TUSC3: variants seen among roughly 807,000 people sequenced by gnomAD.
TUSC3 encodes the protein dolichyl-diphosphooligosaccharide--protein glycosyltransferase subunit TUSC3.
TUSC3 carries 45 observed loss-of-function variants against 44.8 expected under a neutral mutation model. The ratio of observed to expected loss-of-function variants is 1.00; its 90% CI spans 0.79 to 1.29. The LOEUF (loss-of-function observed/expected upper bound fraction) is 1.29. Ranked by LOEUF, TUSC3 falls within the 50% of genes most tolerant of loss-of-function variation. The pLI, the probability that TUSC3 is intolerant of heterozygous loss-of-function variation, is 0.00. For synonymous variants in TUSC3, 212 were observed against 152.9 expected, an observed-to-expected ratio of 1.39 and a Z score of -2.85; for missense variants, 519 against 437.9, an observed-to-expected ratio of 1.19 and a Z score of -1.65.
At chr8:15,480,610 T>A (rs73665414) in intron 1 of TUSC3, among the ~76,000 whole-genome samples, 2,103 of 152,258 alleles carry the variant, frequency 0.014, 56 homozygotes, top group African/African-American at 0.047. Flanking sequence ...ACATGTGAAA[T>A]AAAATTTCTA....
intron 7 of TUSC3, 36 bp from the exon 8 acceptor site, chr8:15,743,502 C>A: frequency 1.2e-6 from 2 of 1,600,902 alleles, no homozygotes; most frequent in Non-Finnish European, 1.7e-6. Flanking sequence ...ATTTTATTCA[C>A]ATCTATGTCT....
At chr8:15,757,749 T>A in intron 9 of TUSC3, 42 bp from the exon 10 acceptor site, 1 of 1,473,564 alleles carries the variant, frequency 6.8e-7, no homozygotes, top group Non-Finnish European at 9.5e-7. Context: ...TTAAGGATTA[T>A]TTTTTCCATA....
Position 15,540,322 on chromosome 8 carries a change from C to A in TUSC3, c.-109C>A. On this transcript the variant is annotated 5_prime_UTR_variant, in exon 1 of 11. Transcript: ENST00000503731. The stretch of plus-strand genomic sequence containing the variant: ...GTCCCTCGCAAAGCCGCTGCCATCC[C>A]GGAGGGCCCAGCCAGCGGGCTCCCG... The A allele has an allele frequency of 7.4e-7, 1 of 1,354,840 alleles. No homozygotes were observed. 83.9% of individuals were successfully genotyped at this position (1,354,840 alleles called of 1,614,324 possible). A position where few individuals can be genotyped will look rare whatever the true frequency, so the allele number is the denominator to read the frequency against.
chr8:15,429,256 G>C (rs780998616), intron 1 of TUSC3, among the ~76,000 whole-genome samples: 30 of 152,054 alleles, frequency 2.0e-4, no homozygotes, highest in Non-Finnish European at 3.7e-4. Context: ...TTTTTGTCAG[G>C]TGTGTCAAAG....
intron 1 of TUSC3, among the ~76,000 whole-genome samples, chr8:15,579,232 G>C (rs1449060244): frequency 7.0e-6 from 1 of 142,218 alleles, no homozygotes; most frequent in Non-Finnish European, 1.6e-5. Flanking sequence ...TCTTGCTAGT[G>C]GTCTATCAAT....
the TUSC3 span, among the ~76,000 whole-genome samples, chr8:15,792,735 C>T: frequency 9.2e-5 from 14 of 152,058 alleles, no homozygotes; most frequent in Non-Finnish European, 1.8e-4. Context: ...GGTGCCTCAG[C>T]TCCTCGAGTA....
At chr8:15,490,454 C>T (rs1355026397) in intron 2 of TUSC3, among the ~76,000 whole-genome samples, 1 of 152,068 alleles carries the variant, frequency 6.6e-6, no homozygotes, top group Non-Finnish European at 1.5e-5. Flanking sequence ...CTGCAATTTT[C>T]CAGCAGCCCC....
chr8:15,661,551 C>G (rs1807427445), intron 4 of TUSC3, among the ~76,000 whole-genome samples: 1 of 151,936 alleles, frequency 6.6e-6, no homozygotes, highest in African/African-American at 2.4e-5. Context: ...ACGTAATGTC[C>G]ATCTGTCCTT....
At chr8:15,442,505 T>C (rs1290640366) in intron 1 of TUSC3, among the ~76,000 whole-genome samples, 1 of 152,166 alleles carries the variant, frequency 6.6e-6, no homozygotes, top group Non-Finnish European at 1.5e-5. Flanking sequence ...TGATTAGCTG[T>C]TCCCAGTGGA....
chr8:15,746,259 C>T (rs1811410717), intron 8 of TUSC3, among the ~76,000 whole-genome samples: 1 of 152,034 alleles, frequency 6.6e-6, no homozygotes, highest in Non-Finnish European at 1.5e-5. Context: ...GTTTTCAACT[C>T]CTCTCTTGGT....
intron 1 of TUSC3, among the ~76,000 whole-genome samples, chr8:15,451,551 G>A (rs775279272): frequency 4.6e-5 from 7 of 152,156 alleles, no homozygotes; most frequent in Non-Finnish European, 7.4e-5. Context: ...GTGGCACAGC[G>A]GGAGAGTGCA....
chr8:15,563,499 A>C (rs1802551865), intron 1 of TUSC3, among the ~76,000 whole-genome samples: 1 of 152,038 alleles, frequency 6.6e-6, no homozygotes. Context: ...CAGCCTGGCC[A>C]ATATGGTGAA....
the TUSC3 span, among the ~76,000 whole-genome samples, chr8:15,795,335 G>A: frequency 1.3e-5 from 2 of 152,184 alleles, no homozygotes; most frequent in Non-Finnish European, 2.9e-5. Flanking sequence ...TGGCCAGTGA[G>A]CTGAAACTGA....
At chr8:15,786,798 G>T in the TUSC3 span, among the ~76,000 whole-genome samples, 1 of 151,774 alleles carries the variant, frequency 6.6e-6, no homozygotes, top group Non-Finnish European at 1.5e-5. Flanking sequence ...AAAAAAAATA[G>T]CTGGGTGTGG....
At chr8:15,842,428 C>T in the TUSC3 span, among the ~76,000 whole-genome samples, 14,325 of 152,224 alleles carry the variant, frequency 0.094, 792 homozygotes, top group Middle Eastern at 0.2. Flanking sequence ...TGTAATAAAG[C>T]CTTGACATGT....
At chr8:15,467,173 G>T (rs771397852) in intron 1 of TUSC3, among the ~76,000 whole-genome samples, 1 of 151,710 alleles carries the variant, frequency 6.6e-6, no homozygotes, top group Non-Finnish European at 1.5e-5. Context: ...ACACTGTTAG[G>T]GTGTTTTAAG....
downstream of TUSC3, among the ~76,000 whole-genome samples, chr8:15,770,831 G>A (rs1432260897): frequency 6.6e-6 from 1 of 151,990 alleles, no homozygotes; most frequent in East Asian, 1.9e-4. Flanking sequence ...GAAGAGAGAG[G>A]AAAGGACAGA....
chr8:15,688,590 A>G (rs892450588), intron 6 of TUSC3, among the ~76,000 whole-genome samples: 1 of 152,082 alleles, frequency 6.6e-6, no homozygotes, highest in South Asian at 2.1e-4. Context: ...ACCCTCAAGT[A>G]TACCCTAGTA....
intron 1 of TUSC3, among the ~76,000 whole-genome samples, chr8:15,449,182 G>A (rs529278091): frequency 6.6e-6 from 1 of 152,282 alleles, no homozygotes; most frequent in South Asian, 2.1e-4. Flanking sequence ...GGGAAGAATA[G>A]GACAGGGATT....
Sources: gnomAD v4.1 joint callset for allele counts (sites outside exome capture counted in the v4.1 genomes callset) on GRCh38, gnomAD v4.1.1 for gene constraint, MANE v1.5 for transcripts, NCBI Gene and HGNC (gene_info 2026-07-23, HGNC 2026-07-21) for gene names.